Variants in CBLB observed in about 807,000 individuals in gnomAD.
The protein encoded by CBLB is E3 ubiquitin-protein ligase CBL-B.
CBLB carries 31 observed loss-of-function variants against 104.9 expected under a neutral mutation model. The ratio of observed to expected loss-of-function variants is 0.30; its 90% CI spans 0.22 to 0.40. The LOEUF (loss-of-function observed/expected upper bound fraction) is 0.40, where lower values mean the gene tolerates loss of function less well. CBLB is among the 10% of genes least tolerant of loss of function. The pLI is 1.00. For synonymous variants in CBLB, 440 were observed against 422.6 expected, an observed-to-expected ratio of 1.04 and a Z score of -0.51; for missense variants, 1,062 against 1,214.6, an observed-to-expected ratio of 0.87 and a Z score of 1.87.
chr3:105,816,902 A>G (rs538182154), intron 3 of CBLB, among the ~76,000 whole-genome samples: 7 of 152,066 alleles, frequency 4.6e-5, no homozygotes, highest in South Asian at 2.1e-4. Flanking sequence ...TAAAAAAAAA[A>G]GGGTTTTTGA....
chr3:105,715,511 G>A (rs1366024856), intron 10 of CBLB, among the ~76,000 whole-genome samples: 2 of 152,094 alleles, frequency 1.3e-5, no homozygotes, highest in South Asian at 4.1e-4. Context: ...ATGGTAACAG[G>A]AATATACAAT....
rs182832367 is a variant in CBLB, at chr3:105,846,034, T to C, written c.419+7380A>G. ...CAAGATAAAAATTATTATTTTGAAG[T>C]ATCAAAAATTCATATTTTCATTCCT... is the stretch of plus-strand genomic sequence containing the variant. On this transcript the variant is annotated intron_variant, in intron 3 of 18. Coordinates refer to ENST00000394030, the MANE Select transcript of CBLB (RefSeq NM_170662.5). Among the ~76,000 whole-genome samples the C allele has an allele frequency of 9.2e-5, 14 of 152,202 alleles. No individual in the cohort carries two copies. The East Asian group carries it at 2.7e-3, about 29-fold the overall frequency.
chr3:105,821,799 T>C (rs1483767094), intron 3 of CBLB, among the ~76,000 whole-genome samples: 1 of 152,192 alleles, frequency 6.6e-6, no homozygotes, highest in African/African-American at 2.4e-5. Flanking sequence ...CAACTTCTTT[T>C]CCCTCCTACC....
At chr3:105,665,076 T>G (rs1470406733) in intron 18 of CBLB, among the ~76,000 whole-genome samples, 1 of 152,164 alleles carries the variant, frequency 6.6e-6, no homozygotes, top group African/African-American at 2.4e-5. Flanking sequence ...AACTTTGTTA[T>G]GTCTTTCTTT....
intron 3 of CBLB, among the ~76,000 whole-genome samples, chr3:105,793,989 TAG>T (rs1192859194): frequency 6.6e-6 from 1 of 152,148 alleles, no homozygotes; most frequent in Non-Finnish European, 1.5e-5. Flanking sequence ...AACTTGCAAA[TAG>T]AGTTTATATA....
intron 3 of CBLB, among the ~76,000 whole-genome samples, chr3:105,807,766 T>C (rs1467129199): frequency 6.6e-6 from 1 of 152,198 alleles, no homozygotes. Flanking sequence ...CGGAATAACT[T>C]CTTTTGAAGT....
At chr3:105,775,499 G>A (rs1165285104) in intron 4 of CBLB, among the ~76,000 whole-genome samples, 2 of 152,204 alleles carry the variant, frequency 1.3e-5, no homozygotes, top group East Asian at 3.9e-4. Flanking sequence ...AGACCTTTGA[G>A]ACAAGATTAA....
chr3:105,773,338 A>G (rs62261498), intron 4 of CBLB, among the ~76,000 whole-genome samples: 10,440 of 152,230 alleles, frequency 0.069, 521 homozygotes, highest in Admixed American at 0.15. Context: ...CTAAGCTATG[A>G]GCAAGCAAAG....
At chr3:105,708,255 T>C (rs940801643) in intron 10 of CBLB, among the ~76,000 whole-genome samples, 2 of 152,058 alleles carry the variant, frequency 1.3e-5, no homozygotes, top group South Asian at 2.1e-4. Context: ...CAAACAAACA[T>C]AGAGCCAATC....
At chr3:105,791,832 T>G (rs1327890974) in intron 3 of CBLB, among the ~76,000 whole-genome samples, 4 of 152,238 alleles carry the variant, frequency 2.6e-5, no homozygotes, top group African/African-American at 7.2e-5. Flanking sequence ...ATTTCCATTA[T>G]GTTAGTTGGT....
Position 105,835,804 on chromosome 3 carries a change from A to C in CBLB, c.419+17610T>G, listed in dbSNP as rs115173306. 2.2e-3 allele frequency among the ~76,000 whole-genome samples: 338 copies of C among 152,316 alleles called. 2 individuals carry two copies. The highest frequency in any genetic ancestry group is 8.0e-3 in the African/African-American group (331 of 41,568). On this transcript the variant is annotated intron_variant, in intron 3 of 18. Transcript: ENST00000394030. ...TTACTTGCCATCTGTCTCTCTTTTA[A>C]ATGTCAAGTACCAAACATGCTACAA...
intron 4 of CBLB, among the ~76,000 whole-genome samples, chr3:105,770,630 G>A (rs144327458): frequency 6.6e-6 from 1 of 152,308 alleles, no homozygotes; most frequent in African/African-American, 2.4e-5. Flanking sequence ...CAAGTGGGAA[G>A]TGTGCTGCAG....
At chr3:105,731,804 T>C (rs1234080705) in intron 9 of CBLB, among the ~76,000 whole-genome samples, 3 of 152,208 alleles carry the variant, frequency 2.0e-5, no homozygotes, top group African/African-American at 7.2e-5. Context: ...ACTAAACAAA[T>C]GTTTCTGTCA....
intron 10 of CBLB, among the ~76,000 whole-genome samples, chr3:105,714,544 TCA>T: frequency 6.6e-6 from 1 of 152,266 alleles, no homozygotes. Context: ...CATGTGCAGT[TCA>T]AAATAGAGTT....
intron 14 of CBLB, among the ~76,000 whole-genome samples, chr3:105,684,164 C>T (rs1346506431): frequency 2.6e-5 from 4 of 152,196 alleles, no homozygotes; most frequent in African/African-American, 4.8e-5. Context: ...TCCCCTATCC[C>T]TCAGTCAGTC....
rs546403394 is a variant in CBLB, at chr3:105,826,340, GA to G, written c.419+27073del. Among the ~76,000 whole-genome samples, 308 of 152,146 alleles carry G rather than the reference GA, an allele frequency of 2.0e-3. 2 individuals are homozygous for G. The highest frequency in any genetic ancestry group is 7.2e-3 in the African/African-American group (299 of 41,532). ...CAGTATAAAACATGATCTCCATTTT[GA>G]AAAAAGATAAAATATTAAACAAGAC... On this transcript the variant is annotated intron_variant, in intron 3 of 18. Coordinates refer to ENST00000394030, the MANE Select transcript of CBLB (RefSeq NM_170662.5).
chr3:105,806,490 A>AAAAG (rs1161298933), intron 3 of CBLB, among the ~76,000 whole-genome samples: 1 of 151,602 alleles, frequency 6.6e-6, no homozygotes, highest in Non-Finnish European at 1.5e-5. Flanking sequence ...AAAAAAAAAA[A>AAAAG]AAAAACAGAA....
chr3:105,753,236 A>G (rs1057062115), intron 4 of CBLB, among the ~76,000 whole-genome samples: 1 of 152,144 alleles, frequency 6.6e-6, no homozygotes, highest in African/African-American at 2.4e-5. Flanking sequence ...TATGAGGCTT[A>G]ATACCTCAAA....
intron 5 of CBLB, 64 bp from the exon 6 acceptor site, chr3:105,746,102 C>T: frequency 9.1e-7 from 1 of 1,096,836 alleles, no homozygotes; most frequent in Non-Finnish European, 1.4e-6. Flanking sequence ...TGATTACATA[C>T]TGAACCATAT....
Sources: gnomAD v4.1 joint callset for allele counts (sites outside exome capture counted in the v4.1 genomes callset) on GRCh38, gnomAD v4.1.1 for gene constraint, MANE v1.5 for transcripts, NCBI Gene and HGNC (gene_info 2026-07-23, HGNC 2026-07-21) for gene names.